ZFAND3: variants seen among roughly 807,000 people sequenced by gnomAD.
The protein encoded by ZFAND3 is zinc finger AN1-type containing 3, also known as AN1-type zinc finger protein 3.
ZFAND3 carries 10 observed loss-of-function variants against 29.6 expected under a neutral mutation model. The ratio of observed to expected loss-of-function variants is 0.34; its 90% CI spans 0.21 to 0.57. The LOEUF (loss-of-function observed/expected upper bound fraction) is 0.57. Ranked by LOEUF, ZFAND3 falls within the 20% of genes least tolerant of loss-of-function variation. The pLI is 0.86. For missense variants in ZFAND3, 230 were observed against 304.5 expected (o/e 0.76, Z 1.82); for synonymous variants, 128 against 112.6 (o/e 1.14, Z -0.87).
intron 2 of ZFAND3, among the ~76,000 whole-genome samples, chr6:37,983,139 TA>T (rs1482453164): frequency 6.6e-6 from 1 of 152,058 alleles, no homozygotes; most frequent in Non-Finnish European, 1.5e-5. Flanking sequence ...TTTTATAATA[TA>T]AAAGTTACAG....
chr6:38,112,862 A>T (rs1022073604), intron 4 of ZFAND3, among the ~76,000 whole-genome samples: 2 of 152,224 alleles, frequency 1.3e-5, no homozygotes, highest in Non-Finnish European at 2.9e-5. Flanking sequence ...GCAAGTGAGG[A>T]TGATTCTATA....
In ZFAND3 at chr6:38,151,100, C is replaced by T. The variant is rs1328552347; in HGVS notation, c.530-1135C>T. 3.9e-5 allele frequency among the ~76,000 whole-genome samples: 6 copies of T among 152,174 alleles called. No individual in the cohort carries two copies. In the South Asian group the frequency reaches 6.2e-4, roughly 16 times the overall value. On this transcript the variant is annotated intron_variant, in intron 5 of 5. Coordinates refer to ENST00000287218, the MANE Select transcript of ZFAND3 (RefSeq NM_021943.3). ...AGACGTCTGTGCTCCACATGCGTAT[C>T]GGCCGCTCTAGAGATTGCCTGGGAA...
intron 2 of ZFAND3, among the ~76,000 whole-genome samples, chr6:38,000,296 CTG>C (rs1762923520): frequency 6.6e-6 from 1 of 152,156 alleles, no homozygotes; most frequent in Non-Finnish European, 1.5e-5. Flanking sequence ...AATTGAGAAA[CTG>C]TATTTCCCAT....
At chr6:38,004,097 T>G (rs1332162408) in intron 2 of ZFAND3, among the ~76,000 whole-genome samples, 1 of 152,124 alleles carries the variant, frequency 6.6e-6, no homozygotes, top group Non-Finnish European at 1.5e-5. Context: ...AGTGGTCCCT[T>G]GGAGGATTTT....
intron 2 of ZFAND3, among the ~76,000 whole-genome samples, chr6:37,950,383 T>G (rs1761976881): frequency 6.6e-6 from 1 of 151,804 alleles, no homozygotes; most frequent in Non-Finnish European, 1.5e-5. Context: ...TGACTTGTTT[T>G]TTTTTTTTTT....
chr6:38,091,949 T>C (rs1487365953), intron 4 of ZFAND3, among the ~76,000 whole-genome samples: 2 of 151,906 alleles, frequency 1.3e-5, no homozygotes, highest in Non-Finnish European at 1.5e-5. Flanking sequence ...TGCTGATGGG[T>C]TTTACTGCCT....
In ZFAND3 at chr6:38,044,517, T is replaced by A. The variant is rs117598566; in HGVS notation, c.113-17076T>A. ...TTCACTCTTGACTAGGCATCTTTAA[T>A]GTCTCAGCAAGACCTTTGCTGCAGA... On this transcript the variant is annotated intron_variant, in intron 2 of 5. Coordinates refer to ENST00000287218, the MANE Select transcript of ZFAND3 (RefSeq NM_021943.3). 7.2e-5 allele frequency among the ~76,000 whole-genome samples: 11 copies of A among 152,350 alleles called. No individual in the cohort carries two copies. The East Asian group carries it at 9.7e-4, about 13-fold the overall frequency.
intron 2 of ZFAND3, among the ~76,000 whole-genome samples, chr6:38,046,239 A>G (rs984937546): frequency 1.3e-5 from 2 of 152,256 alleles, no homozygotes; most frequent in Non-Finnish European, 2.9e-5. Flanking sequence ...ATTGAGCTGC[A>G]TGGAATAAGA....
At position 38,120,320 on chromosome 6, in the gene ZFAND3, C is replaced by CTTTTTTTTTTT. The variant is rs70981523; in HGVS notation, c.529+3601_529+3611dup. Among the ~76,000 whole-genome samples, 254 of 60,730 alleles carry CTTTTTTTTTTT rather than the reference C, an allele frequency of 4.2e-3. 43 individuals are homozygous for CTTTTTTTTTTT. The highest frequency in any genetic ancestry group is 6.1e-3 in the Non-Finnish European group (195 of 31,824). 39.8% of individuals were successfully genotyped at this position (60,730 alleles called of 152,430 possible). A position where few individuals can be genotyped will look rare whatever the true frequency, so the allele number is the denominator to read the frequency against. On this transcript the variant is annotated intron_variant, in intron 5 of 5. Coordinates refer to ENST00000287218, the MANE Select transcript of ZFAND3 (RefSeq NM_021943.3). ...TGATTGATACACGTAGCTTGGCTTC[C>CTTTTTTTTTTT]TTTTTTTTTTTTTTTTTTTTTTTTT...
chr6:38,080,166 G>C (rs546986990), intron 3 of ZFAND3, among the ~76,000 whole-genome samples: 1 of 152,046 alleles, frequency 6.6e-6, no homozygotes, highest in African/African-American at 2.4e-5. Flanking sequence ...GAGGGTGGGG[G>C]TCTAGGGGAG....
In ZFAND3 at chr6:38,061,729, G is replaced by A; in HGVS notation, c.249G>A (p.Gln83=). The change falls in exon 3 of 6, where the codon CAG becomes CAA. Residue 83 remains glutamine (Q), a synonymous_variant. Transcript: ENST00000287218. Reference sequence around the variant, plus strand: ...CGCCAACTCTTAGTCCCAGCCAGCAGCCGCTTCCGACAGAACTGAATGTAA... The same window carrying A: ...CGCCAACTCTTAGTCCCAGCCAGCAACCGCTTCCGACAGAACTGAATGTAA... ...ITTPTLSPSQ[Q]PLPTELNVTS... The A allele has an allele frequency of 6.2e-7, 1 of 1,614,166 alleles. No individual in the cohort carries two copies. The highest frequency in any genetic ancestry group is 1.3e-5 in the African/African-American group (1 of 75,048).
chr6:37,909,268 CTTTTTTTCTTTTTTT>C (rs1419495353), intron 1 of ZFAND3, among the ~76,000 whole-genome samples: 25 of 141,490 alleles, frequency 1.8e-4, no homozygotes, highest in South Asian at 1.3e-3. Flanking sequence ...GATTTTTTTT[CTTTTTTTCTTTTTTT>C]TTTTTTTCTT....
intron 1 of ZFAND3, among the ~76,000 whole-genome samples, chr6:37,924,312 CTTTT>C (rs34276814): frequency 2.9e-4 from 37 of 127,286 alleles, no homozygotes; most frequent in Middle Eastern, 4.1e-3. Flanking sequence ...TACTTAAGTG[CTTTT>C]TTTTTTTTTT....
intron 2 of ZFAND3, among the ~76,000 whole-genome samples, chr6:38,021,516 C>T (rs536802968): frequency 5.6e-4 from 85 of 152,106 alleles, no homozygotes; most frequent in African/African-American, 2.0e-3. Flanking sequence ...AAGGTGGAAC[C>T]GGAGGAAAAA....
chr6:38,047,035 A>G (rs1455649407), intron 2 of ZFAND3, among the ~76,000 whole-genome samples: 1 of 152,008 alleles, frequency 6.6e-6, no homozygotes, highest in Non-Finnish European at 1.5e-5. Flanking sequence ...TTGAAATACG[A>G]CTTCTGGCCA....
intron 1 of ZFAND3, among the ~76,000 whole-genome samples, chr6:37,821,474 G>A (rs1763665503): frequency 6.6e-6 from 1 of 152,216 alleles, no homozygotes; most frequent in South Asian, 2.1e-4. Flanking sequence ...TTGCGAGGTA[G>A]GAACCATTAT....
chr6:37,891,459 C>T (rs927068364), intron 1 of ZFAND3, among the ~76,000 whole-genome samples: 5 of 142,198 alleles, frequency 3.5e-5, no homozygotes, highest in African/African-American at 1.4e-4. Flanking sequence ...CCGGGTGTGG[C>T]AGTGCATGCC....
At chr6:37,981,941 C>T (rs1762587742) in intron 2 of ZFAND3, among the ~76,000 whole-genome samples, 1 of 152,120 alleles carries the variant, frequency 6.6e-6, no homozygotes. Flanking sequence ...TTGGACAACT[C>T]AAAGTGGGGA....
At chr6:38,104,803 G>T (rs1294973201) in intron 4 of ZFAND3, among the ~76,000 whole-genome samples, 1 of 152,082 alleles carries the variant, frequency 6.6e-6, no homozygotes, top group African/African-American at 2.4e-5. Context: ...TCCTATATTT[G>T]CCCCAGGATC....
Sources: gnomAD v4.1 joint callset for allele counts (sites outside exome capture counted in the v4.1 genomes callset) on GRCh38, gnomAD v4.1.1 for gene constraint, MANE v1.5 for transcripts, NCBI Gene and HGNC (gene_info 2026-07-23, HGNC 2026-07-21) for gene names.